TBC1D5: variants seen among roughly 807,000 people sequenced by gnomAD.
TBC1D5 encodes TBC1 domain family, member 5.
A neutral mutation model predicts 100.3 loss-of-function variants in TBC1D5; 75 were observed. The ratio of observed to expected loss-of-function variants is 0.75; its 90% CI spans 0.62 to 0.91. The LOEUF (loss-of-function observed/expected upper bound fraction) is 0.91. Ranked by LOEUF, TBC1D5 falls within the 40% of genes least tolerant of loss-of-function variation. The pLI is 0.00. For missense variants in TBC1D5, 910 were observed against 942.4 expected, an observed-to-expected ratio of 0.97 and a Z score of 0.45; for synonymous variants, 323 against 325.6, an observed-to-expected ratio of 0.99 and a Z score of 0.09.
rs1386591799 is a variant in TBC1D5 at position 17,664,183 on chromosome 3, C to A, written c.-100-40270G>T. ...CTCCCGGGTTCAAGCAATTCTCCTG[C>A]CTCAGCCTCCTCAGTAGCTGGGATT... On this transcript the variant is annotated intron_variant, in intron 1 of 21. Coordinates refer to ENST00000253692, the Ensembl canonical transcript of TBC1D5. 4.6e-5 allele frequency among the ~76,000 whole-genome samples: 7 copies of A among 152,124 alleles called. No individual in the cohort carries two copies. The East Asian group carries it at 9.6e-4, about 21-fold the overall frequency.
At chr3:17,642,313 T>C (rs2064590058) in intron 1 of TBC1D5, among the ~76,000 whole-genome samples, 1 of 152,106 alleles carries the variant, frequency 6.6e-6, no homozygotes, top group Admixed American at 6.6e-5. Flanking sequence ...CAACGTGCTC[T>C]CTATATATAA....
rs1375110938 is a variant in TBC1D5, at chr3:17,736,262, A to G, written c.-101+3081T>C. Among the ~76,000 whole-genome samples the G allele has an allele frequency of 3.3e-5, 5 of 152,128 alleles. No homozygotes were observed. In the South Asian group the frequency reaches 6.2e-4, roughly 19 times the overall value. ...TAACAGAGTGAGACCTTGTCTCTAA[A>G]AAATAAAATTTAATAAAATTAAAAT... On this transcript the variant is annotated intron_variant, in intron 1 of 21. Coordinates refer to ENST00000253692, the Ensembl canonical transcript of TBC1D5.
chr3:17,200,467 G>A (rs2071324716), intron 18 of TBC1D5, among the ~76,000 whole-genome samples: 2 of 152,232 alleles, frequency 1.3e-5, no homozygotes, highest in Admixed American at 6.5e-5. Context: ...ACATGCAAGG[G>A]ATCTAGGTTG....
At chr3:17,559,875 C>A (rs973486550) in intron 2 of TBC1D5, among the ~76,000 whole-genome samples, 5 of 152,096 alleles carry the variant, frequency 3.3e-5, no homozygotes, top group Admixed American at 6.5e-5. Flanking sequence ...AGGCGTGAGC[C>A]ACCGCGCCCG....
chr3:17,412,563 TCA>T lies in TBC1D5; in HGVS notation c.168-6039_168-6038del, dbSNP rs1194469127. 2.0e-5 allele frequency among the ~76,000 whole-genome samples: 3 copies of T among 152,192 alleles called. No individual in the cohort carries two copies. The East Asian group carries it at 5.8e-4, about 29-fold the overall frequency. ...ATTGAGGTGTCAGTGGTGAAATATT[TCA>T]GTTTAATTTAAAAAAAAGTAGTTGC... On this transcript the variant is annotated intron_variant, in intron 4 of 21. Coordinates refer to ENST00000253692, the Ensembl canonical transcript of TBC1D5.
chr3:17,659,705 C>T (rs944117483), intron 1 of TBC1D5, among the ~76,000 whole-genome samples: 1 of 152,064 alleles, frequency 6.6e-6, no homozygotes, highest in Non-Finnish European at 1.5e-5. Context: ...CAGGGACAGA[C>T]AATTCAAACC....
At chr3:17,196,762 A>G (rs2070745380) in intron 18 of TBC1D5, among the ~76,000 whole-genome samples, 1 of 152,216 alleles carries the variant, frequency 6.6e-6, no homozygotes, top group Non-Finnish European at 1.5e-5. Flanking sequence ...GTAGAGTGTA[A>G]CCTTTCTATA....
At chr3:17,543,503 T>C (rs2096380165) in intron 2 of TBC1D5, among the ~76,000 whole-genome samples, 1 of 151,920 alleles carries the variant, frequency 6.6e-6, no homozygotes, top group Non-Finnish European at 1.5e-5. Context: ...CCAGGTGTGG[T>C]GGTGTGCACC....
At chr3:17,711,293 T>G (rs2074711732) in intron 1 of TBC1D5, among the ~76,000 whole-genome samples, 1 of 152,332 alleles carries the variant, frequency 6.6e-6, no homozygotes, top group African/African-American at 2.4e-5. Flanking sequence ...GTTTTTAACT[T>G]TGCATTATGA....
At chr3:17,509,802 G>A (rs576216625) in intron 2 of TBC1D5, among the ~76,000 whole-genome samples, 38 of 152,100 alleles carry the variant, frequency 2.5e-4, no homozygotes, top group African/African-American at 8.4e-4. Context: ...CACCTCTGGT[G>A]TTATACTTAC....
intron 13 of TBC1D5, among the ~76,000 whole-genome samples, chr3:17,312,181 T>C (rs1473095697): frequency 1.3e-5 from 2 of 152,096 alleles, no homozygotes; most frequent in African/African-American, 2.4e-5. Context: ...CTGAATTCAT[T>C]ATACTTAGGG....
rs369466753 is a variant in TBC1D5 at position 17,605,686 on chromosome 3, TG to T, written c.-36+18162del. Among the ~76,000 whole-genome samples the T allele has an allele frequency of 1.0e-3, 155 of 152,340 alleles. 2 individuals carry two copies. In the South Asian group the frequency reaches 0.018, roughly 18 times the overall value. On this transcript the variant is annotated intron_variant, in intron 2 of 21. Coordinates refer to ENST00000253692, the Ensembl canonical transcript of TBC1D5. ...TCTATGATTAAAGATCAGGAAAGTA[TG>T]CTTCATTTTTAGGAAGCATACCAGT...
intron 8 of TBC1D5, among the ~76,000 whole-genome samples, chr3:17,392,970 C>T (rs918519015): frequency 6.6e-6 from 1 of 152,090 alleles, no homozygotes; most frequent in Non-Finnish European, 1.5e-5. Context: ...AACTAATTTA[C>T]ACTCCCACCA....
At chr3:17,654,395 C>A (rs550830360) in intron 1 of TBC1D5, among the ~76,000 whole-genome samples, 4 of 152,148 alleles carry the variant, frequency 2.6e-5, no homozygotes, top group African/African-American at 4.8e-5. Flanking sequence ...TCTTAGTTGC[C>A]ATGCCATTAT....
chr3:17,253,434 T>C (rs901351942), intron 16 of TBC1D5, among the ~76,000 whole-genome samples: 1 of 152,236 alleles, frequency 6.6e-6, no homozygotes, highest in Non-Finnish European at 1.5e-5. Flanking sequence ...ACAGTAACAT[T>C]GTCTCCTATC....
chr3:17,713,236 TTTC>T (rs1424151084), intron 1 of TBC1D5, among the ~76,000 whole-genome samples: 2 of 151,756 alleles, frequency 1.3e-5, no homozygotes, highest in Admixed American at 1.3e-4. Flanking sequence ...GTGTTTTTCT[TTTC>T]TTTTCTTTTT....
intron 2 of TBC1D5, among the ~76,000 whole-genome samples, chr3:17,516,489 GAA>G (rs2095989780): frequency 6.6e-6 from 1 of 152,096 alleles, no homozygotes; most frequent in Admixed American, 6.6e-5. Flanking sequence ...TTAATGTTTT[GAA>G]AATAATGTTA....
chr3:17,286,660 A>C (rs973688571), intron 15 of TBC1D5, among the ~76,000 whole-genome samples: 2 of 152,256 alleles, frequency 1.3e-5, no homozygotes, highest in Non-Finnish European at 2.9e-5. Flanking sequence ...TACATTTTCA[A>C]AAATTTCAAC....
intron 4 of TBC1D5, among the ~76,000 whole-genome samples, chr3:17,410,388 G>A (rs2093891903): frequency 6.6e-6 from 1 of 152,144 alleles, no homozygotes. Context: ...TTAATGTTGT[G>A]TCCATGTCTG....
Sources: gnomAD v4.1 joint callset for allele counts (sites outside exome capture counted in the v4.1 genomes callset) on GRCh38, gnomAD v4.1.1 for gene constraint, MANE v1.5 for transcripts, NCBI Gene and HGNC (gene_info 2026-07-23, HGNC 2026-07-21) for gene names.